Variants in SELENOT observed in about 807,000 individuals in gnomAD.
SELENOT encodes thioredoxin reductase-like selenoprotein T.
Under a neutral mutation model 24.3 loss-of-function variants are expected in SELENOT, and 9 were observed. The observed-to-expected ratio is 0.37, with a 90% CI of 0.22 to 0.65. The LOEUF (loss-of-function observed/expected upper bound fraction) is 0.65, where lower values mean the gene tolerates loss of function less well. SELENOT is among the 30% of genes least tolerant of loss of function. The pLI is 0.60. For missense variants in SELENOT, 166 were observed against 247.6 expected (o/e 0.67, Z 2.21); for synonymous variants, 81 against 86.0 (o/e 0.94, Z 0.32).
At chr3:150,620,606 C>T (rs983674259) in intron 1 of SELENOT, among the ~76,000 whole-genome samples, 10 of 152,234 alleles carry the variant, frequency 6.6e-5, no homozygotes, top group South Asian at 2.1e-4. Context: ...GGAAAAGTCA[C>T]GTTATCTCTC....
chr3:150,619,023 G>A (rs185855375), intron 1 of SELENOT: 44 of 151,446 alleles, frequency 2.9e-4, no homozygotes, highest in Admixed American at 1.7e-3. Context: ...GTATATCTGT[G>A]TTACTAGAAA....
At chr3:150,603,547 G>A in intron 1 of SELENOT, 48 bp downstream of exon 1, 2 of 1,528,906 alleles carry the variant, frequency 1.3e-6, no homozygotes, top group Non-Finnish European at 1.8e-6. Flanking sequence ...CCTCTGCTCG[G>A]CGCCATTGGC....
intron 1 of SELENOT, among the ~76,000 whole-genome samples, chr3:150,613,119 G>C (rs185033415): frequency 6.6e-6 from 1 of 152,306 alleles, no homozygotes; most frequent in Admixed American, 6.5e-5. Flanking sequence ...GAATATCACA[G>C]ACAAGGTAAT....
chr3:150,603,784 C>T (rs771376915), intron 1 of SELENOT: 33 of 271,562 alleles, frequency 1.2e-4, no homozygotes, highest in Admixed American at 7.5e-4. Flanking sequence ...CTGGGGGACA[C>T]CTGTTAGTAC....
chr3:150,618,334 A>G (rs893866779), intron 1 of SELENOT, among the ~76,000 whole-genome samples: 3 of 152,228 alleles, frequency 2.0e-5, no homozygotes, highest in Non-Finnish European at 4.4e-5. Context: ...AATTGGAGAG[A>G]TTGTGAAAAT....
intron 1 of SELENOT, among the ~76,000 whole-genome samples, chr3:150,611,043 T>C (rs1341384277): frequency 7.7e-6 from 1 of 129,130 alleles, no homozygotes; most frequent in Non-Finnish European, 1.7e-5. Flanking sequence ...GTGTATTTGT[T>C]TTTGTTTTCT....
rs536627642 is a variant in SELENOT at position 150,612,097 on chromosome 3, G to A, written c.137+8598G>A. ...AGCTCACTGTTACATGGGGTCTTCA[G>A]CTTTTTTTTTTTTTGAGACAGAATC... is the stretch of plus-strand genomic sequence containing the variant. On this transcript the variant is annotated intron_variant, in intron 1 of 5. Coordinates refer to ENST00000471696, the MANE Select transcript of SELENOT (RefSeq NM_016275.5). 2.0e-5 allele frequency among the ~76,000 whole-genome samples: 3 copies of A among 151,268 alleles called. No individual in the cohort carries two copies. The East Asian group carries it at 5.8e-4, about 29-fold the overall frequency.
In SELENOT at chr3:150,629,779, G is replaced by A. The variant is rs1559900400; in HGVS notation, c.*2150G>A. ...AGAGTCTAGTGAAAAAAATGAGTGGGAAGAATGAATATAAAAGTAATAATA... is the reference window on the plus strand; with the variant it reads ...AGAGTCTAGTGAAAAAAATGAGTGGAAAGAATGAATATAAAAGTAATAATA... On this transcript the variant is annotated 3_prime_UTR_variant, in exon 6 of 6. Transcript: ENST00000471696. The A allele has an allele frequency of 2.0e-5, 3 of 152,594 alleles. No homozygotes were observed. Among genetic ancestry groups the A allele is most frequent in the Admixed American group, 2.0e-4 (3 of 15,272 alleles). 9.5% of individuals were successfully genotyped at this position (152,594 alleles called of 1,614,324 possible).
intron 1 of SELENOT, among the ~76,000 whole-genome samples, chr3:150,608,148 T>C (rs555408614): frequency 3.1e-4 from 47 of 152,312 alleles, no homozygotes; most frequent in Admixed American, 8.5e-4. Context: ...ACTGGAATGA[T>C]AATTAAAATA....
rs1726106867 is a variant in SELENOT at position 150,612,020 on chromosome 3, A to C, written c.137+8521A>C. 1.2e-5 allele frequency: 6 copies of C among 499,998 alleles called. No individual in the cohort carries two copies. In the East Asian group the frequency reaches 2.5e-4, roughly 21 times the overall value. The allele number at this position is 499,998 out of a possible 1,614,324, so 31.0% of individuals were successfully genotyped here. On this transcript the variant is annotated intron_variant, in intron 1 of 5. Coordinates refer to ENST00000471696, the MANE Select transcript of SELENOT (RefSeq NM_016275.5). ...GCTGCTGCTGGCGCCGAAACAGTGG[A>C]CAGTGCCGAGGGCCGGGACTCAGAG...
At chr3:150,607,469 C>T (rs1725991438) in intron 1 of SELENOT, among the ~76,000 whole-genome samples, 1 of 152,224 alleles carries the variant, frequency 6.6e-6, no homozygotes, top group South Asian at 2.1e-4. Flanking sequence ...GGAGCACTTA[C>T]TCTGTGCAGG....
chr3:150,628,041 T>G lies in SELENOT; in HGVS notation c.*412T>G, dbSNP rs1056297439. 3.9e-5 allele frequency: 6 copies of G among 152,202 alleles called. No individual in the cohort carries two copies. Among genetic ancestry groups the G allele is most frequent in the Admixed American group, 1.3e-4 (2 of 15,280 alleles). 9.4% of individuals were successfully genotyped at this position (152,202 alleles called of 1,614,324 possible). On this transcript the variant is annotated 3_prime_UTR_variant, in exon 6 of 6. Transcript: ENST00000471696. ...TTGTGCTTTTATATGAATATTTGTT[T>G]TTTATAGTTTAAAATTGATCCTTTG...
chr3:150,625,279 T>C (rs1726416082), intron 4 of SELENOT, among the ~76,000 whole-genome samples: 1 of 152,130 alleles, frequency 6.6e-6, no homozygotes, highest in Non-Finnish European at 1.5e-5. Flanking sequence ...TGAAGAATCT[T>C]AAACATAACC....
intron 1 of SELENOT, among the ~76,000 whole-genome samples, chr3:150,608,625 G>A (rs1050748559): frequency 2.6e-5 from 4 of 152,112 alleles, no homozygotes; most frequent in African/African-American, 4.8e-5. Context: ...AGGAAAAGTA[G>A]AGATGCTAAA....
intron 1 of SELENOT, chr3:150,611,744 G>GC: frequency 7.0e-7 from 1 of 1,425,912 alleles, no homozygotes; most frequent in Admixed American, 1.8e-5. Context: ...CGGCCTGGCC[G>GC]CCCCCAGGGG....
At chr3:150,619,665 G>A (rs905033074) in intron 1 of SELENOT, among the ~76,000 whole-genome samples, 4 of 152,196 alleles carry the variant, frequency 2.6e-5, no homozygotes, top group African/African-American at 9.7e-5. Flanking sequence ...TACTGAGAGA[G>A]GCAGTTTTAA....
rs1326240455 is a variant in SELENOT, at chr3:150,628,890, T to C, written c.*1261T>C. 1 of 152,172 alleles carries C rather than the reference T, an allele frequency of 6.6e-6. No individual in the cohort carries two copies. The highest frequency in any genetic ancestry group is 1.5e-5 in the Non-Finnish European group (1 of 68,014). The allele number at this position is 152,172 out of a possible 1,614,324, so 9.4% of individuals were successfully genotyped here. A position where few individuals can be genotyped will look rare whatever the true frequency, so the allele number is the denominator to read the frequency against. On this transcript the variant is annotated 3_prime_UTR_variant, in exon 6 of 6. Coordinates refer to ENST00000471696, the MANE Select transcript of SELENOT (RefSeq NM_016275.5). ...GAAAAGTTATAAGGTACAGGTTGAG[T>C]ATCCCTTTTCCAAAAATGCTTGGGA...
intron 1 of SELENOT, among the ~76,000 whole-genome samples, chr3:150,614,088 T>G (rs1047237978): frequency 3.3e-5 from 5 of 152,070 alleles, no homozygotes; most frequent in African/African-American, 4.8e-5. Context: ...GGCACCACAG[T>G]GCCAGAAAAA....
intron 1 of SELENOT, among the ~76,000 whole-genome samples, chr3:150,620,252 T>G (rs1726310103): frequency 2.6e-5 from 4 of 152,310 alleles, no homozygotes; most frequent in Admixed American, 2.0e-4. Context: ...AAGCTTGGTC[T>G]TCTCAGAAGA....
Sources: gnomAD v4.1 joint callset for allele counts (sites outside exome capture counted in the v4.1 genomes callset) on GRCh38, gnomAD v4.1.1 for gene constraint, MANE v1.5 for transcripts, NCBI Gene and HGNC (gene_info 2026-07-23, HGNC 2026-07-21) for gene names.